MORN1: variants seen among roughly 807,000 people sequenced by gnomAD.
MORN1 encodes MORN repeat-containing protein 1.
In MORN1, 67 loss-of-function variants were observed where a neutral mutation model predicts 61.9. The ratio of observed to expected loss-of-function variants is 1.08; its 90% CI spans 0.89 to 1.33. The LOEUF is 1.33. MORN1 is among the 40% of genes most tolerant of loss of function. The pLI is 0.00. For missense variants in MORN1, 752 were observed against 691.2 expected, an observed-to-expected ratio of 1.09 and a Z score of -0.99; for synonymous variants, 301 against 292.0, an observed-to-expected ratio of 1.03 and a Z score of -0.31.
chr1:2,356,510 G>A (rs1402598505), intron 10 of MORN1, among the ~76,000 whole-genome samples: 4 of 152,096 alleles, frequency 2.6e-5, no homozygotes, highest in Non-Finnish European at 4.4e-5. Flanking sequence ...TTTGGGGACC[G>A]GGAACCTCAG....
chr1:2,385,690 C>A, intron 5 of MORN1, 117 bp downstream of exon 5: 1 of 896,344 alleles, frequency 1.1e-6, no homozygotes, highest in Admixed American at 1.9e-5. Flanking sequence ...CAGCAGGGGC[C>A]GGAACAGGCC....
At chr1:2,324,945 G>A (rs1014792461) in intron 12 of MORN1, among the ~76,000 whole-genome samples, 1 of 147,800 alleles carries the variant, frequency 6.8e-6, no homozygotes, top group Admixed American at 6.7e-5. Flanking sequence ...GCCCTGGCGG[G>A]GAGGAGGCAG....
chr1:2,323,920 C>T (rs79333251), intron 13 of MORN1, 177 bp downstream of exon 13: 2 of 984,856 alleles, frequency 2.0e-6, no homozygotes, highest in Non-Finnish European at 2.4e-6. Context: ...GCCACCAGCC[C>T]CCTTCCCATT....
chr1:2,327,087 G>C (rs560883627), intron 12 of MORN1, among the ~76,000 whole-genome samples: 2 of 149,068 alleles, frequency 1.3e-5, no homozygotes, highest in Non-Finnish European at 3.0e-5. Flanking sequence ...CAAACACAGA[G>C]ACACAGAAAC....
rs1226877291 is a variant in MORN1, at chr1:2,332,083, C to T, written c.1250+4386G>A. 1.2e-5 allele frequency: 2 copies of T among 167,630 alleles called. 1 individual carries two copies. The highest frequency in any genetic ancestry group is 4.8e-5 in the African/African-American group (2 of 41,248). 10.4% of individuals were successfully genotyped at this position (167,630 alleles called of 1,614,324 possible). A position where few individuals can be genotyped will look rare whatever the true frequency, so the allele number is the denominator to read the frequency against. ...CATCTTTGTCGATTTTTTTTTCAGT[C>T]ATTTCTATTGTTTGGAGCCTCCTGG... On this transcript the variant is annotated intron_variant, in intron 12 of 13. Coordinates refer to ENST00000378531, the MANE Select transcript of MORN1 (RefSeq NM_024848.3).
rs1325272840 is a variant in MORN1 at position 2,372,107 on chromosome 1, G to T, written c.745+374C>A. 11 of 233,444 alleles carry T rather than the reference G, an allele frequency of 4.7e-5. No individual in the cohort carries two copies. Among genetic ancestry groups the T allele is most frequent in the Non-Finnish European group, 9.5e-5 (11 of 116,084 alleles). The allele number at this position is 233,444 out of a possible 1,614,324, so 14.5% of individuals were successfully genotyped here. ...CGGATGAGTGGGGAAGCAGAAAGTA[G>T]CCCCTCACTAGAATGGAAGACTGTT... On this transcript the variant is annotated intron_variant, in intron 8 of 13. Transcript: ENST00000378531. This position sits in a 1 kb window ranked among gnomAD's most constrained non-coding sequence, Gnocchi z 5.4.
intron 8 of MORN1, chr1:2,371,688 GATCACC>G (rs1642126248): frequency 6.6e-6 from 1 of 152,650 alleles, no homozygotes; most frequent in African/African-American, 2.4e-5. Flanking sequence ...GGGGCGGGCT[GATCACC>G]TGAGGTCGGG....
chr1:2,325,694 C>T lies in MORN1; in HGVS notation c.1251-1551G>A, dbSNP rs186278083. 6.1e-3 allele frequency among the ~76,000 whole-genome samples: 910 copies of T among 149,302 alleles called. 6 individuals carry two copies. The highest frequency in any genetic ancestry group is 0.021 in the African/African-American group (856 of 40,350). On this transcript the variant is annotated intron_variant, in intron 12 of 13. Coordinates refer to ENST00000378531, the MANE Select transcript of MORN1 (RefSeq NM_024848.3). ...ATAGAGACAGGGTCTCACTCTGTTG[C>T]CCAGGCTGGAGTGCTGTGGCCTGAT...
intron 12 of MORN1, among the ~76,000 whole-genome samples, chr1:2,329,719 C>A (rs1009326156): frequency 1.3e-5 from 2 of 152,164 alleles, no homozygotes; most frequent in African/African-American, 4.8e-5. Context: ...CCGAGCAGGC[C>A]GGAGTCACCA....
In MORN1 at chr1:2,372,646, C is replaced by A. The variant is rs1642147464; in HGVS notation, c.635-55G>T. 7.0e-7 allele frequency: 1 copy of A among 1,432,766 alleles called. No individual in the cohort carries two copies. The highest frequency in any genetic ancestry group is 2.0e-5 in the Admixed American group (1 of 49,750). The allele number at this position is 1,432,766 out of a possible 1,614,324, so 88.8% of individuals were successfully genotyped here. A position where few individuals can be genotyped will look rare whatever the true frequency, so the allele number is the denominator to read the frequency against. ...GTGACTGGCATGGTCCCCCACCCAC[C>A]CCATGGCTGAGTCAGCAGTGGGCAC... On this transcript the variant is annotated intron_variant, in intron 7 of 13. Transcript: ENST00000378531. This position sits in a 1 kb window ranked among gnomAD's most constrained non-coding sequence, Gnocchi z 5.4.
intron 12 of MORN1, 78 bp from the exon 13 acceptor site, chr1:2,324,221 G>T: frequency 3.4e-6 from 5 of 1,456,620 alleles, no homozygotes; most frequent in Non-Finnish European, 4.7e-6. Flanking sequence ...CTGAACCAGG[G>T]CTAGTGGCTC....
At chr1:2,354,361 T>C (rs1289372765) in intron 10 of MORN1, among the ~76,000 whole-genome samples, 2 of 151,946 alleles carry the variant, frequency 1.3e-5, no homozygotes, top group African/African-American at 2.4e-5. Context: ...ACTCAGGAGT[T>C]TGAGACCAGC....
intron 1 of MORN1, among the ~76,000 whole-genome samples, chr1:2,391,220 A>AC (rs1462697104): frequency 6.8e-6 from 1 of 147,780 alleles, no homozygotes; most frequent in African/African-American, 2.5e-5. Flanking sequence ...GCGGGGGGCG[A>AC]CCCCCTGCAG....
rs117234650 is a variant in MORN1, at chr1:2,329,886, C to A, written c.1251-5743G>T. Among the ~76,000 whole-genome samples, 42 of 152,304 alleles carry A rather than the reference C, an allele frequency of 2.8e-4. No individual in the cohort carries two copies. The East Asian group carries it at 8.1e-3, about 29-fold the overall frequency. ...CAGCCGTGAGCAGGCCAGGCTCAGGCCAAGGGACAGGCTGGGCTGCTGGGC... is the reference window on the plus strand; with the variant it reads ...CAGCCGTGAGCAGGCCAGGCTCAGGACAAGGGACAGGCTGGGCTGCTGGGC... On this transcript the variant is annotated intron_variant, in intron 12 of 13. Coordinates refer to ENST00000378531, the MANE Select transcript of MORN1 (RefSeq NM_024848.3).
intron 10 of MORN1, among the ~76,000 whole-genome samples, chr1:2,346,650 T>C (rs940468442): frequency 5.3e-5 from 8 of 152,168 alleles, no homozygotes; most frequent in Non-Finnish European, 1.0e-4. Context: ...CCTCCCAAAG[T>C]GCTGGGATTA....
intron 3 of MORN1, 200 bp downstream of exon 3, chr1:2,388,037 AGT>A: frequency 1.9e-6 from 1 of 530,070 alleles, no homozygotes; most frequent in Admixed American, 3.4e-5. Flanking sequence ...ATTCTAGAAA[AGT>A]GTCTCCGGAA....
intron 8 of MORN1, among the ~76,000 whole-genome samples, chr1:2,369,355 G>GAAAAAA (rs55703845): frequency 5.0e-5 from 4 of 80,612 alleles, no homozygotes; most frequent in Admixed American, 1.4e-4. Context: ...CTCAGTCTCA[G>GAAAAAA]AAAAAAAAAA....
At chr1:2,342,020 A>AC (rs1468424332) in intron 10 of MORN1, among the ~76,000 whole-genome samples, 2 of 152,074 alleles carry the variant, frequency 1.3e-5, no homozygotes, top group African/African-American at 4.8e-5. Context: ...CATGCTTGTC[A>AC]CCTCCTGGCA....
chr1:2,379,995 T>C (rs1642334493), intron 6 of MORN1, among the ~76,000 whole-genome samples: 1 of 152,046 alleles, frequency 6.6e-6, no homozygotes, highest in African/African-American at 2.4e-5. Context: ...CACCCACAGA[T>C]GGGCAGAGAA....
Sources: allele counts gnomAD v4.1 joint callset (sites outside exome capture counted in the v4.1 genomes callset), GRCh38; gene constraint gnomAD v4.1.1; non-coding constraint Gnocchi (gnomAD v3.1); transcripts MANE v1.5; gene names NCBI Gene and HGNC (gene_info 2026-07-23, HGNC 2026-07-21).